The following MACROD2 variants were observed in gnomAD, a reference collection of about 807,000 sequenced individuals.
MACROD2 encodes ADP-ribose glycohydrolase MACROD2.
A neutral mutation model predicts 70.4 loss-of-function variants in MACROD2; 36 were observed. The ratio of observed to expected loss-of-function variants is 0.51; its 90% confidence interval spans 0.39 to 0.68. MACROD2 has a LOEUF of 0.68. Ranked by LOEUF, MACROD2 falls within the 30% of genes least tolerant of loss-of-function variation. The pLI is 0.00. For synonymous variants in MACROD2, 172 were observed against 178.8 expected (o/e 0.96, Z 0.30); for missense variants, 496 against 538.4 (o/e 0.92, Z 0.78).
rs1284797315 is a variant in MACROD2, at chr20:15,134,889, C to T, written c.419-95051C>T. Among the ~76,000 whole-genome samples the T allele has an allele frequency of 8.8e-4, 134 of 152,150 alleles. 3 individuals are homozygous for T. In the East Asian group the frequency reaches 0.024, roughly 28 times the overall value. On this transcript the variant is annotated intron_variant, in intron 5 of 17. Transcript: ENST00000684519. ...AAAAATGATAAAGGGGATATCACCA[C>T]CGATCCCACAGAAATACAAACTACC...
At chr20:14,071,889 G>A (rs777644348) in intron 2 of MACROD2, among the ~76,000 whole-genome samples, 8 of 152,096 alleles carry the variant, frequency 5.3e-5, no homozygotes, top group Non-Finnish European at 1.2e-4. Flanking sequence ...GGGCAACTTA[G>A]TGAAACTTTG....
chr20:14,677,670 C>T (rs116731646), intron 4 of MACROD2, among the ~76,000 whole-genome samples: 138 of 152,244 alleles, frequency 9.1e-4, no homozygotes, highest in African/African-American at 3.2e-3. Flanking sequence ...TCAGTGTTCA[C>T]CCCAATACTA....
chr20:15,059,362 G>A (rs923917047), intron 5 of MACROD2, among the ~76,000 whole-genome samples: 1 of 150,110 alleles, frequency 6.7e-6, no homozygotes, highest in Non-Finnish European at 1.5e-5. Flanking sequence ...TCCAGCCTGG[G>A]AGACAGAGCA....
intron 5 of MACROD2, among the ~76,000 whole-genome samples, chr20:15,106,124 G>GTCTGTA (rs2075908921): frequency 1.3e-5 from 2 of 152,118 alleles, no homozygotes; most frequent in Admixed American, 1.3e-4. Context: ...GCTTTTTAAA[G>GTCTGTA]TGCCATAGTC....
intron 4 of MACROD2, among the ~76,000 whole-genome samples, chr20:14,660,495 T>C (rs1482478297): frequency 6.6e-6 from 1 of 152,224 alleles, no homozygotes; most frequent in African/African-American, 2.4e-5. Flanking sequence ...ATGCTAGGCA[T>C]ATATATACAA....
At chr20:15,631,584 T>A (rs2049291236) in intron 8 of MACROD2, among the ~76,000 whole-genome samples, 1 of 152,136 alleles carries the variant, frequency 6.6e-6, no homozygotes, top group Admixed American at 6.5e-5. Context: ...GAATGTTAAA[T>A]TCCTCTTTCT....
chr20:15,038,931 C>A (rs945682699), intron 5 of MACROD2, among the ~76,000 whole-genome samples: 13 of 152,126 alleles, frequency 8.5e-5, no homozygotes, highest in Non-Finnish European at 1.3e-4. Flanking sequence ...AAGTGTTAAT[C>A]AAATAGGTCA....
At chr20:14,349,713 C>T (rs2083102295) in intron 3 of MACROD2, among the ~76,000 whole-genome samples, 1 of 146,794 alleles carries the variant, frequency 6.8e-6, no homozygotes, top group African/African-American at 2.5e-5. Context: ...TAAGTGAGAA[C>T]ATGTGATGTT....
At chr20:14,725,889 A>G (rs916977886) in intron 5 of MACROD2, among the ~76,000 whole-genome samples, 7 of 152,264 alleles carry the variant, frequency 4.6e-5, no homozygotes, top group Admixed American at 2.6e-4. Flanking sequence ...GGGGTTGCAG[A>G]TGCTGTTTGC....
intron 8 of MACROD2, among the ~76,000 whole-genome samples, chr20:15,698,310 C>A (rs982127715): frequency 3.3e-5 from 5 of 152,178 alleles, no homozygotes; most frequent in African/African-American, 1.2e-4. Context: ...CTGAAAACGA[C>A]TGTACCTTTC....
intron 3 of MACROD2, among the ~76,000 whole-genome samples, chr20:14,275,463 C>A: frequency 6.6e-6 from 1 of 151,632 alleles, no homozygotes; most frequent in Non-Finnish European, 1.5e-5. Context: ...TTCCTTACAC[C>A]TTATACAAAA....
chr20:15,686,393 G>A (rs2050225143), intron 8 of MACROD2, among the ~76,000 whole-genome samples: 1 of 151,986 alleles, frequency 6.6e-6, no homozygotes, highest in African/African-American at 2.4e-5. Context: ...TAGAAAACAG[G>A]GGCTACTTGG....
chr20:15,396,568 C>T (rs2045862845), intron 6 of MACROD2, among the ~76,000 whole-genome samples: 1 of 152,154 alleles, frequency 6.6e-6, no homozygotes, highest in African/African-American at 2.4e-5. Flanking sequence ...AACAAGGACA[C>T]CAGGGCTCAG....
chr20:14,444,756 G>T (rs978496652), intron 3 of MACROD2, among the ~76,000 whole-genome samples: 2 of 151,820 alleles, frequency 1.3e-5, no homozygotes, highest in Admixed American at 6.6e-5. Flanking sequence ...GCAACTCTTG[G>T]TATTCCTGTT....
At chr20:15,159,527 T>C (rs1309782213) in intron 5 of MACROD2, among the ~76,000 whole-genome samples, 2 of 152,114 alleles carry the variant, frequency 1.3e-5, no homozygotes, top group Non-Finnish European at 2.9e-5. Flanking sequence ...TTTTGGAAGA[T>C]AAGAATAAAA....
chr20:15,730,154 T>G (rs2050926237), intron 8 of MACROD2, among the ~76,000 whole-genome samples: 1 of 152,192 alleles, frequency 6.6e-6, no homozygotes, highest in African/African-American at 2.4e-5. Flanking sequence ...TTATTTGACT[T>G]GCCACTCTGT....
chr20:15,089,416 TCAG>T (rs1244509915), intron 5 of MACROD2, among the ~76,000 whole-genome samples: 1 of 152,112 alleles, frequency 6.6e-6, no homozygotes, highest in African/African-American at 2.4e-5. Flanking sequence ...TTAAGAAAAT[TCAG>T]CAGCACTGAT....
rs553680111 is a variant in MACROD2 at position 14,819,800 on chromosome 20, C to G, written c.418+134841C>G. On this transcript the variant is annotated intron_variant, in intron 5 of 17. Coordinates refer to ENST00000684519, the MANE Select transcript of MACROD2 (RefSeq NM_001351661.2). ...ACTGGGAAGGCCCAGAGGCCTTATT[C>G]TAGCATTGAAAGGACAATGTGGCTG... is the stretch of plus-strand genomic sequence containing the variant. Among the ~76,000 whole-genome samples, 11 of 152,174 alleles carry G rather than the reference C, an allele frequency of 7.2e-5. 1 individual carries two copies. The highest frequency in any genetic ancestry group is 2.6e-4 in the African/African-American group (11 of 41,518).
chr20:15,422,835 A>G (rs1374375367), intron 6 of MACROD2, among the ~76,000 whole-genome samples: 1 of 152,200 alleles, frequency 6.6e-6, no homozygotes, highest in Non-Finnish European at 1.5e-5. Flanking sequence ...AGATGGGGAT[A>G]GAGAGGTGCT....
Sources: gnomAD v4.1 joint callset for allele counts (sites outside exome capture counted in the v4.1 genomes callset) on GRCh38, gnomAD v4.1.1 for gene constraint, MANE v1.5 for transcripts, NCBI Gene and HGNC (gene_info 2026-07-23, HGNC 2026-07-21) for gene names.